The following PLCG2 variants were observed in gnomAD, a reference collection of about 807,000 sequenced individuals.
PLCG2 encodes phospholipase C gamma 2, also known as 1-phosphatidylinositol 4,5-bisphosphate phosphodiesterase gamma-2.
In PLCG2, 69 loss-of-function variants were observed where a neutral mutation model predicts 175.6. The observed-to-expected ratio is 0.39, with a 90% CI of 0.32 to 0.48. The LOEUF is 0.48. Among genes scored for constraint, PLCG2 ranks in the 20% least tolerant of loss-of-function variants. The pLI is 0.91. For synonymous variants in PLCG2, 827 were observed against 624.0 expected, an observed-to-expected ratio of 1.33 and a Z score of -4.85; for missense variants, 1,798 against 1,650.9, an observed-to-expected ratio of 1.09 and a Z score of -1.54.
intron 2 of PLCG2, 35 bp downstream of exon 2, chr16:81,786,217 C>T (rs759576530): frequency 2.0e-5 from 32 of 1,565,330 alleles, no homozygotes; most frequent in Non-Finnish European, 2.8e-5. Flanking sequence ...TGTGGCCCGT[C>T]CTCTGGGGCC....
intron 6 of PLCG2, among the ~76,000 whole-genome samples, chr16:81,869,877 A>T (rs149560359): frequency 1.2e-3 from 188 of 152,270 alleles, no homozygotes; most frequent in African/African-American, 4.4e-3. Flanking sequence ...GATGGAGACA[A>T]TGGGCACCGA....
chr16:81,944,526 G>A (rs1364449179), intron 30 of PLCG2, among the ~76,000 whole-genome samples: 1 of 152,178 alleles, frequency 6.6e-6, no homozygotes, highest in Non-Finnish European at 1.5e-5. Context: ...TCAGTGTTGT[G>A]TGATCATAGC....
chr16:81,758,071 G>T (rs74837559), intron 2 of PLCG2, among the ~76,000 whole-genome samples: 1 of 152,136 alleles, frequency 6.6e-6, no homozygotes, highest in Non-Finnish European at 1.5e-5. Flanking sequence ...CACCTCACGG[G>T]CTCAAGCGAT....
chr16:81,871,879 A>G, intron 7 of PLCG2, among the ~76,000 whole-genome samples: 1 of 152,098 alleles, frequency 6.6e-6, no homozygotes, highest in East Asian at 1.9e-4. Flanking sequence ...TTGCTGGGTA[A>G]ATTATGGTCT....
intron 2 of PLCG2, among the ~76,000 whole-genome samples, chr16:81,854,091 C>G (rs1201680598): frequency 7.3e-6 from 1 of 137,024 alleles, no homozygotes; most frequent in African/African-American, 2.5e-5. Flanking sequence ...TCAATTTGGT[C>G]TCTTGTTTTT....
intron 7 of PLCG2, among the ~76,000 whole-genome samples, chr16:81,874,274 G>A (rs1249684915): frequency 1.3e-5 from 2 of 152,128 alleles, no homozygotes; most frequent in African/African-American, 4.8e-5. Context: ...TCTCTGTATT[G>A]ACCCAGCCCC....
At position 81,744,456 on chromosome 16, in the gene PLCG2, C is replaced by G. The variant is rs1909664870; in HGVS notation, c.-145+5071C>G. 2.6e-5 allele frequency among the ~76,000 whole-genome samples: 4 copies of G among 152,326 alleles called. No individual in the cohort carries two copies. The South Asian group carries it at 8.3e-4, about 32-fold the overall frequency. On this transcript the variant is annotated intron_variant, in intron 1 of 5. Transcript: ENST00000565054. The stretch of plus-strand genomic sequence containing the variant: ...GGGATTACAGGCGTGAGCCACCGCA[C>G]CCAGTCCCCCAACTTCCCTTTTTGA...
chr16:81,741,447 C>T (rs1016974601), intron 1 of PLCG2, among the ~76,000 whole-genome samples: 7 of 152,046 alleles, frequency 4.6e-5, no homozygotes, highest in African/African-American at 1.7e-4. Context: ...AAATTTTTGC[C>T]CTTTGGATTT....
chr16:81,774,184 A>AAG (rs1910347080), intron 2 of PLCG2, among the ~76,000 whole-genome samples: 1 of 144,550 alleles, frequency 6.9e-6, no homozygotes, highest in Non-Finnish European at 1.5e-5. Flanking sequence ...ATACAAAAAA[A>AAG]AAAAAAAAAA....
At position 81,814,201 on chromosome 16, in the gene PLCG2, C is replaced by A. The variant is rs546642068; in HGVS notation, c.193+28019C>A. Among the ~76,000 whole-genome samples, 146 of 152,264 alleles carry A rather than the reference C, an allele frequency of 9.6e-4. 1 individual carries two copies. The highest frequency in any genetic ancestry group is 2.0e-3 in the Admixed American group (30 of 15,284). On this transcript the variant is annotated intron_variant, in intron 2 of 32. Transcript: ENST00000564138. ...ACAGCGGAGGGGAATGGTACCGGGT[C>A]TGAAGGATAGGCTGTCTTTTTGCTT... is the stretch of plus-strand genomic sequence containing the variant.
intron 30 of PLCG2, among the ~76,000 whole-genome samples, chr16:81,941,579 G>A (rs887809240): frequency 8.6e-6 from 1 of 116,006 alleles, no homozygotes; most frequent in East Asian, 2.4e-4. Context: ...TTTTTTTTTT[G>A]TACTCTAGAA....
In PLCG2 at chr16:81,958,116, C is replaced by T. The variant is rs1911649123; in HGVS notation, c.*118C>T. The T allele has an allele frequency of 4.0e-6, 3 of 751,416 alleles. No individual in the cohort carries two copies. The highest frequency in any genetic ancestry group is 2.0e-5 in the Admixed American group (1 of 49,530). 46.5% of individuals were successfully genotyped at this position (751,416 alleles called of 1,614,324 possible). Reference sequence around the variant, plus strand: ...AATCTGTGACATCTTTTCTTCAAGCCTGCCATCAAGGACATTTCTTAAGAC... The same window carrying T: ...AATCTGTGACATCTTTTCTTCAAGCTTGCCATCAAGGACATTTCTTAAGAC... On this transcript the variant is annotated 3_prime_UTR_variant, in exon 33 of 33. Transcript: ENST00000564138.
intron 1 of PLCG2, among the ~76,000 whole-genome samples, chr16:81,750,046 GA>G (rs894602394): frequency 9.8e-4 from 142 of 145,610 alleles, no homozygotes; most frequent in East Asian, 6.1e-3. Flanking sequence ...ATCCCATTGT[GA>G]AAAAAAAAAA....
chr16:81,920,391 T>A (rs936819080), intron 20 of PLCG2, among the ~76,000 whole-genome samples: 1 of 152,204 alleles, frequency 6.6e-6, no homozygotes, highest in East Asian at 1.9e-4. Flanking sequence ...GAAATTTAGG[T>A]TCTGGAGAGG....
At chr16:81,850,075 G>T (rs979052750) in intron 2 of PLCG2, among the ~76,000 whole-genome samples, 1 of 152,148 alleles carries the variant, frequency 6.6e-6, no homozygotes, top group African/African-American at 2.4e-5. Context: ...AAGTAAACAA[G>T]GAGACTCCGT....
At chr16:81,956,614 A>C in intron 31 of PLCG2, 81 bp from the exon 32 acceptor site, 1 of 1,303,158 alleles carries the variant, frequency 7.7e-7, no homozygotes, top group Non-Finnish European at 1.1e-6. Context: ...CCCTTTGGGC[A>C]TGCTTGTGAG....
chr16:81,837,863 G>A (rs1266802725), intron 2 of PLCG2, among the ~76,000 whole-genome samples: 1 of 151,932 alleles, frequency 6.6e-6, no homozygotes, highest in African/African-American at 2.4e-5. Flanking sequence ...ATCACAGCCA[G>A]GATATTAACA....
At chr16:81,852,406 A>G (rs62045708) in intron 2 of PLCG2, among the ~76,000 whole-genome samples, 19,473 of 152,072 alleles carry the variant, frequency 0.13, 1,424 homozygotes, top group Middle Eastern at 0.19. Flanking sequence ...TATCTAAAGC[A>G]CATGGAATGG....
chr16:81,900,178 A>G (rs1909086125), intron 13 of PLCG2, among the ~76,000 whole-genome samples: 1 of 152,242 alleles, frequency 6.6e-6, no homozygotes, highest in Non-Finnish European at 1.5e-5. Context: ...TAAATAGAGG[A>G]AGTAATAAAC....
Sources: allele counts gnomAD v4.1 joint callset (sites outside exome capture counted in the v4.1 genomes callset), GRCh38; gene constraint gnomAD v4.1.1; transcripts MANE v1.5; gene names NCBI Gene and HGNC (gene_info 2026-07-23, HGNC 2026-07-21).